Variants in CRPPA observed in about 807,000 individuals in gnomAD.
The protein encoded by CRPPA is CDP-L-ribitol pyrophosphorylase A, also known as D-ribitol-5-phosphate cytidylyltransferase.
In CRPPA, 43 loss-of-function variants were observed where a neutral mutation model predicts 52.0. The observed-to-expected ratio is 0.83, with a 90% CI of 0.65 to 1.07. The LOEUF (loss-of-function observed/expected upper bound fraction) is 1.07. Ranked by LOEUF, CRPPA falls within the 50% of genes least tolerant of loss-of-function variation. The pLI is 0.00. For synonymous variants in CRPPA, 250 were observed against 203.5 expected (o/e 1.23, Z -1.94); for missense variants, 629 against 551.7 (o/e 1.14, Z -1.40).
intron 9 of CRPPA, among the ~76,000 whole-genome samples, chr7:16,170,230 C>T (rs548053798): frequency 5.3e-5 from 8 of 152,086 alleles, no homozygotes; most frequent in South Asian, 2.1e-4. Flanking sequence ...AGAGAGTAAA[C>T]GATTACAATT....
intron 9 of CRPPA, among the ~76,000 whole-genome samples, chr7:16,205,671 T>C (rs1781958491): frequency 6.6e-6 from 1 of 152,090 alleles, no homozygotes; most frequent in African/African-American, 2.4e-5. Flanking sequence ...GGGCTAGAAC[T>C]GGGAAGTGAG....
At chr7:16,419,087 C>T (rs181016524) in intron 1 of CRPPA, among the ~76,000 whole-genome samples, 45 of 152,310 alleles carry the variant, frequency 3.0e-4, no homozygotes, top group African/African-American at 1.1e-3. Flanking sequence ...GAAATGGTTT[C>T]AGGGACCCCT....
intron 2 of CRPPA, among the ~76,000 whole-genome samples, chr7:16,381,367 A>G (rs1356423582): frequency 6.6e-6 from 1 of 151,436 alleles, no homozygotes; most frequent in African/African-American, 2.4e-5. Flanking sequence ...AGTTTGTTAT[A>G]ATTTCTGTTC....
chr7:16,231,381 T>C (rs1475928309), intron 8 of CRPPA, among the ~76,000 whole-genome samples: 1 of 152,192 alleles, frequency 6.6e-6, no homozygotes, highest in Non-Finnish European at 1.5e-5. Context: ...TCCTGCTTTG[T>C]CATCTTGTTC....
intron 3 of CRPPA, among the ~76,000 whole-genome samples, chr7:16,313,442 A>G (rs1211234063): frequency 6.6e-6 from 1 of 151,798 alleles, no homozygotes; most frequent in African/African-American, 2.4e-5. Context: ...TAATTTGTAT[A>G]TTCTTTCTTA....
chr7:16,398,344 C>CAT (rs112887637), intron 2 of CRPPA, among the ~76,000 whole-genome samples: 54,467 of 151,886 alleles, frequency 0.36, 13,451 homozygotes, highest in African/African-American at 0.7. Flanking sequence ...GTTATCAACA[C>CAT]GTGTGACATG....
intron 3 of CRPPA, among the ~76,000 whole-genome samples, chr7:16,339,066 A>G (rs139207735): frequency 4.6e-5 from 7 of 152,016 alleles, no homozygotes; most frequent in African/African-American, 1.7e-4. Flanking sequence ...CGGCCTCCCA[A>G]AGTGCTGGGA....
chr7:16,216,970 G>A (rs1049883252), intron 8 of CRPPA, among the ~76,000 whole-genome samples: 3 of 152,230 alleles, frequency 2.0e-5, no homozygotes, highest in African/African-American at 7.2e-5. Context: ...GCCTCTGTAG[G>A]CTTCACCTCT....
At chr7:16,242,810 GTA>G (rs1414240553) in intron 8 of CRPPA, among the ~76,000 whole-genome samples, 3 of 152,058 alleles carry the variant, frequency 2.0e-5, no homozygotes, top group African/African-American at 7.2e-5. Flanking sequence ...TATTCTCTTA[GTA>G]TAAGATGTGG....
In CRPPA at chr7:16,193,811, G is replaced by A. The variant is rs137990023; in HGVS notation, c.1251+22255C>T. Among the ~76,000 whole-genome samples, 8 of 152,116 alleles carry A rather than the reference G, an allele frequency of 5.3e-5. No individual in the cohort carries two copies. The South Asian group carries it at 1.0e-3, about 20-fold the overall frequency. ...ACCTCAAGGCACAACTCCTCCGTGC[G>A]CTTATCCCCTGCAGTGTAAACAGGG... On this transcript the variant is annotated intron_variant, in intron 9 of 9. Transcript: ENST00000407010.
At chr7:16,343,275 A>G (rs577716945) in intron 3 of CRPPA, among the ~76,000 whole-genome samples, 24 of 152,090 alleles carry the variant, frequency 1.6e-4, no homozygotes, top group Non-Finnish European at 2.4e-4. Context: ...GGTATAAAAC[A>G]CTGAATCCTG....
At chr7:16,265,275 T>TC (rs1289151194) in intron 6 of CRPPA, among the ~76,000 whole-genome samples, 6 of 152,162 alleles carry the variant, frequency 3.9e-5, no homozygotes, top group Non-Finnish European at 7.3e-5. Flanking sequence ...GGTTTGATAC[T>TC]CTCCCAATCC....
At chr7:16,254,818 A>G (rs1487262444) in intron 8 of CRPPA, among the ~76,000 whole-genome samples, 1 of 149,040 alleles carries the variant, frequency 6.7e-6, no homozygotes, top group Non-Finnish European at 1.5e-5. Flanking sequence ...AGAAAGAAAG[A>G]AAGAAAGAAA....
chr7:16,397,954 T>G (rs1787656570), intron 2 of CRPPA, among the ~76,000 whole-genome samples: 1 of 152,250 alleles, frequency 6.6e-6, no homozygotes, highest in Non-Finnish European at 1.5e-5. Flanking sequence ...TTGACACGTT[T>G]GACATGTGAC....
chr7:16,112,532 T>C (rs1782287266), intron 9 of CRPPA, among the ~76,000 whole-genome samples: 1 of 152,168 alleles, frequency 6.6e-6, no homozygotes, highest in Admixed American at 6.6e-5. Flanking sequence ...AGATTGCTTT[T>C]AACAGACAAG....
chr7:16,113,951 A>G (rs1380150346), intron 9 of CRPPA, among the ~76,000 whole-genome samples: 3 of 152,040 alleles, frequency 2.0e-5, no homozygotes, highest in African/African-American at 7.2e-5. Flanking sequence ...AGAAAATTAT[A>G]AATAAGTAAC....
chr7:16,164,073 A>C (rs928709099), intron 9 of CRPPA, among the ~76,000 whole-genome samples: 1 of 152,124 alleles, frequency 6.6e-6, no homozygotes, highest in South Asian at 2.1e-4. Context: ...AGGTTGGGGA[A>C]GTTCTCCTGG....
chr7:16,219,769 A>G (rs1782447351), intron 8 of CRPPA, among the ~76,000 whole-genome samples: 2 of 131,122 alleles, frequency 1.5e-5, no homozygotes, highest in South Asian at 4.8e-4. Flanking sequence ...TGAATAGACC[A>G]ATAACAGGAG....
At chr7:16,296,005 C>A (rs2128421661) in intron 5 of CRPPA, among the ~76,000 whole-genome samples, 1 of 152,120 alleles carries the variant, frequency 6.6e-6, no homozygotes, top group Middle Eastern at 3.4e-3. Flanking sequence ...CAACCCTCTG[C>A]CTAAGAAAAG....
Sources: gnomAD v4.1 joint callset for allele counts (sites outside exome capture counted in the v4.1 genomes callset) on GRCh38, gnomAD v4.1.1 for gene constraint, MANE v1.5 for transcripts, NCBI Gene and HGNC (gene_info 2026-07-23, HGNC 2026-07-21) for gene names.